Variants in DNAJB13 observed in about 807,000 individuals in gnomAD.
DNAJB13 encodes the protein DnaJ heat shock protein family (Hsp40) member B13, also known as dnaJ homolog subfamily B member 13.
A neutral mutation model predicts 35.6 loss-of-function variants in DNAJB13; 22 were observed. The ratio of observed to expected loss-of-function variants is 0.62; its 90% CI spans 0.44 to 0.88. The LOEUF is 0.88. DNAJB13 is among the 40% of genes least tolerant of loss of function. The probability of loss-of-function intolerance (pLI) is 0.00; values close to 1 mark genes in which losing one functional copy is unlikely to be tolerated. For missense variants in DNAJB13, 370 were observed against 384.3 expected, an observed-to-expected ratio of 0.96 and a Z score of 0.31; for synonymous variants, 136 against 144.2, an observed-to-expected ratio of 0.94 and a Z score of 0.41.
Position 73,958,384 on chromosome 11 carries a change from A to C in DNAJB13, c.136A>C (p.Arg46=). The change falls in exon 2 of 8, where the codon AGG becomes CGG. Residue 46 remains arginine (R), a synonymous_variant. Transcript: ENST00000339764. ...SNEPSSAEIF[R]QIAEAYDVLS... The stretch of plus-strand genomic sequence containing the variant: ...TGAGCCGTCTTCAGCAGAGATTTTC[A>C]GGCAAATAGCAGAGGCCTACGACGT... The C allele has an allele frequency of 6.2e-7, 1 of 1,614,118 alleles. No individual in the cohort carries two copies. Among genetic ancestry groups the C allele is most frequent in the South Asian group, 1.1e-5 (1 of 91,082 alleles).
chr11:73,964,679 G>A, intron 3 of DNAJB13, 199 bp from the exon 4 acceptor site: 1 of 609,976 alleles, frequency 1.6e-6, no homozygotes, highest in Non-Finnish European at 2.9e-6. Context: ...CAGCTCCTTG[G>A]CTTGGCCAGT....
chr11:73,966,055 G>A, intron 4 of DNAJB13, 83 bp from the exon 5 acceptor site: 1 of 1,263,228 alleles, frequency 7.9e-7, no homozygotes, highest in Non-Finnish European at 1.1e-6. Flanking sequence ...GGTCACCTGA[G>A]TGTTCATGAA....
intron 1 of DNAJB13, among the ~76,000 whole-genome samples, chr11:73,953,359 A>G (rs925161249): frequency 2.0e-5 from 3 of 152,192 alleles, no homozygotes; most frequent in Non-Finnish European, 4.4e-5. Context: ...AAAACCTCTC[A>G]GACACCGAGT....
At chr11:73,964,423 A>G (rs1026563271) in intron 3 of DNAJB13, 2 of 189,772 alleles carry the variant, frequency 1.1e-5, no homozygotes, top group Non-Finnish European at 2.2e-5. Context: ...AGTCTGGGGA[A>G]GAGTAGAGAG....
At chr11:73,952,056 C>T (rs1489231314) in intron 1 of DNAJB13, among the ~76,000 whole-genome samples, 3 of 152,158 alleles carry the variant, frequency 2.0e-5, no homozygotes, top group African/African-American at 7.2e-5. Flanking sequence ...TGTCGGAATC[C>T]GACATCGACA....
chr11:73,953,935 C>T (rs1272201710), intron 1 of DNAJB13, among the ~76,000 whole-genome samples: 1 of 150,216 alleles, frequency 6.7e-6, no homozygotes. Context: ...TTACAGTGAG[C>T]GAGATTGCGC....
intron 1 of DNAJB13, among the ~76,000 whole-genome samples, chr11:73,956,356 C>G (rs751289434): frequency 6.6e-6 from 1 of 152,084 alleles, no homozygotes; most frequent in Non-Finnish European, 1.5e-5. Context: ...GTGAGTCATG[C>G]AGGAGAGGTC....
chr11:73,956,422 G>C (rs1439497939), intron 1 of DNAJB13, among the ~76,000 whole-genome samples: 1 of 152,192 alleles, frequency 6.6e-6, no homozygotes, highest in African/African-American at 2.4e-5. Context: ...CAGGGGCTTG[G>C]ATCTTAGAAT....
chr11:73,964,886 G>C lies in DNAJB13; in HGVS notation c.343G>C (p.Asp115His), dbSNP rs1415364645. The C allele has an allele frequency of 1.2e-6, 2 of 1,609,948 alleles. No homozygotes were observed. The highest frequency in any genetic ancestry group is 1.7e-6 in the Non-Finnish European group (2 of 1,178,228). Residue 115 changes from aspartate to histidine, a missense_variant, in exon 4 of 8, where the codon GAT becomes CAT. Asp to His is a moderately conservative substitution (Grantham distance 81). Transcript: ENST00000339764. ...GGNNPFSEFF[D>H]AEGSEVDLNF... ...CTCCCTACCTCCTGCAGAGTTTTTT[G>C]ATGCAGAAGGAAGTGAGGTAGATTT...
In DNAJB13 at chr11:73,965,110, G is replaced by A. The variant is rs1951071646; in HGVS notation, c.492+75G>A. The stretch of plus-strand genomic sequence containing the variant: ...AGCAGCTGCCTCCTCCCTTACCTGG[G>A]TGGGAGGACTCAGGGATGGTCTCTG... On this transcript the variant is annotated intron_variant, in intron 4 of 7. Transcript: ENST00000339764. 3 of 1,453,406 alleles carry A rather than the reference G, an allele frequency of 2.1e-6. No individual in the cohort carries two copies. The South Asian group carries it at 4.1e-5, about 20-fold the overall frequency. 90.0% of individuals were successfully genotyped at this position (1,453,406 alleles called of 1,614,324 possible).
intron 4 of DNAJB13, 133 bp from the exon 5 acceptor site, chr11:73,966,005 C>T (rs2135336835): frequency 1.2e-6 from 1 of 827,682 alleles, no homozygotes; most frequent in South Asian, 1.6e-5. Flanking sequence ...AGGATTGAGC[C>T]CAAGTACAAA....
chr11:73,965,502 A>G (rs78193079), intron 4 of DNAJB13: 12,555 of 162,748 alleles, frequency 0.077, 765 homozygotes, highest in African/African-American at 0.17. Context: ...TCAGTGCCTC[A>G]TGTCTAGTCC....
intron 7 of DNAJB13, 105 bp downstream of exon 7, chr11:73,969,427 AG>A (rs1951217320): frequency 1.4e-6 from 1 of 729,236 alleles, no homozygotes; most frequent in Non-Finnish European, 2.4e-6. Flanking sequence ...GGCTGCCCCC[AG>A]CAGAAGGGTT....
chr11:73,968,205 A>T, intron 5 of DNAJB13, 140 bp from the exon 6 acceptor site: 1 of 727,200 alleles, frequency 1.4e-6, no homozygotes, highest in Non-Finnish European at 2.4e-6. Context: ...TATGGGGGCC[A>T]AACTGAAAAG....
intron 6 of DNAJB13, 47 bp downstream of exon 6, chr11:73,968,505 C>T (rs377269045): frequency 2.4e-5 from 36 of 1,516,986 alleles, no homozygotes; most frequent in Non-Finnish European, 3.0e-5. Context: ...TCAGAGTGAG[C>T]CCTGCCTGCC....
chr11:73,951,234 C>A, intron 1 of DNAJB13, 97 bp downstream of exon 1: 1 of 1,424,092 alleles, frequency 7.0e-7, no homozygotes, highest in Non-Finnish European at 9.7e-7. Flanking sequence ...TTAGCGCAGA[C>A]AAGGTAAACC....
intron 5 of DNAJB13, 67 bp downstream of exon 5, chr11:73,966,318 A>G: frequency 7.0e-7 from 1 of 1,435,926 alleles, no homozygotes; most frequent in Non-Finnish European, 9.6e-7. Context: ...TGAGGAGGAA[A>G]GGAAGGGAAA....
intron 1 of DNAJB13, among the ~76,000 whole-genome samples, chr11:73,952,955 G>A (rs1282883926): frequency 6.6e-6 from 1 of 152,210 alleles, no homozygotes; most frequent in Non-Finnish European, 1.5e-5. Context: ...CTGGCATGGT[G>A]TTTCATGCCT....
At position 73,959,558 on chromosome 11, in the gene DNAJB13, GT is replaced by G; in HGVS notation, c.240del (p.Phe80LeufsTer42). On this transcript the variant is annotated frameshift_variant, in exon 3 of 8. Transcript: ENST00000339764. LOFTEE classifies it high-confidence loss of function. ...EGLKGGIPLE[F>X]GSQTPWTTGY... ...GCCTGAAGGGTGGGATTCCTTTGGA[GT>G]TTGGATCCCAGACCCCATGGACAAC... 1 of 1,614,176 alleles carries G rather than the reference GT, an allele frequency of 6.2e-7. No individual in the cohort carries two copies. The highest frequency in any genetic ancestry group is 1.3e-5 in the African/African-American group (1 of 75,042).
Sources: allele counts gnomAD v4.1 joint callset (sites outside exome capture counted in the v4.1 genomes callset), GRCh38; gene constraint gnomAD v4.1.1; transcripts MANE v1.5; gene names NCBI Gene and HGNC (gene_info 2026-07-23, HGNC 2026-07-21).